Variants in GPC5 observed in about 807,000 individuals in gnomAD.
The protein encoded by GPC5 is glypican-5.
Under a neutral mutation model 53.9 loss-of-function variants are expected in GPC5, and 47 were observed. The ratio of observed to expected loss-of-function variants is 0.87; its 90% confidence interval spans 0.69 to 1.11. The LOEUF is 1.11. Among genes scored for constraint, GPC5 ranks in the 50% most tolerant of loss-of-function variants. GPC5 has a pLI of 0.00. For synonymous variants in GPC5, 286 were observed against 263.3 expected, an observed-to-expected ratio of 1.09 and a Z score of -0.84; for missense variants, 748 against 713.1, an observed-to-expected ratio of 1.05 and a Z score of -0.56.
intron 5 of GPC5, among the ~76,000 whole-genome samples, chr13:91,764,860 A>G (rs1163106805): frequency 1.3e-5 from 2 of 152,166 alleles, no homozygotes; most frequent in East Asian, 3.8e-4. Context: ...GTGACTGGTA[A>G]TTTTATGATC....
intron 7 of GPC5, among the ~76,000 whole-genome samples, chr13:92,261,835 GC>G (rs1258145024): frequency 1.2e-4 from 18 of 152,182 alleles, no homozygotes; most frequent in African/African-American, 4.3e-4. Flanking sequence ...ATTGAAAAGA[GC>G]ATATGATTAA....
intron 5 of GPC5, among the ~76,000 whole-genome samples, chr13:91,798,746 TG>T (rs1419531530): frequency 6.6e-6 from 1 of 152,188 alleles, no homozygotes; most frequent in Non-Finnish European, 1.5e-5. Context: ...CCCAAATTGC[TG>T]GGTCAAATGG....
intron 6 of GPC5, among the ~76,000 whole-genome samples, chr13:91,976,987 C>G (rs1339843592): frequency 6.6e-6 from 1 of 151,664 alleles, no homozygotes; most frequent in African/African-American, 2.4e-5. Flanking sequence ...TTCAGTGAAC[C>G]AAGATCATGC....
At chr13:92,692,000 T>G (rs932550630) in intron 7 of GPC5, among the ~76,000 whole-genome samples, 3 of 152,152 alleles carry the variant, frequency 2.0e-5, no homozygotes, top group African/African-American at 7.2e-5. Context: ...TATGGAACAG[T>G]TAATTTTTCA....
intron 7 of GPC5, among the ~76,000 whole-genome samples, chr13:92,307,287 T>G (rs950432815): frequency 6.6e-6 from 1 of 152,192 alleles, no homozygotes; most frequent in Non-Finnish European, 1.5e-5. Flanking sequence ...AAACCCCATC[T>G]CTACTAAAAT....
intron 7 of GPC5, among the ~76,000 whole-genome samples, chr13:92,502,831 CATCA>C (rs1350787803): frequency 6.6e-6 from 1 of 151,940 alleles, no homozygotes; most frequent in Non-Finnish European, 1.5e-5. Flanking sequence ...TAAGCTGTGA[CATCA>C]ATCAATCAAT....
intron 7 of GPC5, among the ~76,000 whole-genome samples, chr13:92,594,426 A>G (rs1883804450): frequency 6.6e-6 from 1 of 152,164 alleles, no homozygotes; most frequent in African/African-American, 2.4e-5. Flanking sequence ...TCTTTAATGA[A>G]TGGTAAGACA....
intron 7 of GPC5, among the ~76,000 whole-genome samples, chr13:92,662,158 C>T (rs1886368219): frequency 6.6e-6 from 1 of 152,152 alleles, no homozygotes; most frequent in Admixed American, 6.6e-5. Context: ...CGTAATAACT[C>T]AACTCCCAAT....
At chr13:91,525,784 A>T (rs553108680) in intron 2 of GPC5, among the ~76,000 whole-genome samples, 1 of 152,314 alleles carries the variant, frequency 6.6e-6, no homozygotes, top group South Asian at 2.1e-4. Context: ...TCTAACAATA[A>T]TGTCGCACTT....
chr13:91,586,745 G>A lies in GPC5; in HGVS notation c.326-106442G>A, dbSNP rs374469919. Among the ~76,000 whole-genome samples, 48 of 149,518 alleles carry A rather than the reference G, an allele frequency of 3.2e-4. No individual in the cohort carries two copies. In the East Asian group the frequency reaches 7.0e-3, roughly 22 times the overall value. On this transcript the variant is annotated intron_variant, in intron 2 of 7. Coordinates refer to ENST00000377067, the MANE Select transcript of GPC5 (RefSeq NM_004466.6). Reference sequence around the variant, plus strand: ...TATAATTCAAGATGAGATTTGGGTGGGGACACAGAGCCAAACCATATCAAC... The same window carrying A: ...TATAATTCAAGATGAGATTTGGGTGAGGACACAGAGCCAAACCATATCAAC...
chr13:92,351,424 A>G (rs1594124050), intron 7 of GPC5, among the ~76,000 whole-genome samples: 1 of 152,044 alleles, frequency 6.6e-6, no homozygotes, highest in East Asian at 1.9e-4. Context: ...AAAATATTGG[A>G]AGCAATATTT....
intron 6 of GPC5, among the ~76,000 whole-genome samples, chr13:92,093,314 T>C (rs1332804405): frequency 6.6e-6 from 1 of 152,092 alleles, no homozygotes; most frequent in African/African-American, 2.4e-5. Context: ...CAAATCCCAA[T>C]TGAGAAGTAT....
At chr13:91,944,264 T>G (rs896095581) in intron 6 of GPC5, among the ~76,000 whole-genome samples, 3 of 151,892 alleles carry the variant, frequency 2.0e-5, no homozygotes, top group African/African-American at 7.3e-5. Context: ...CCCAGCTAAT[T>G]TTTTTGTATT....
chr13:91,601,931 AG>A (rs1406802737), intron 2 of GPC5, among the ~76,000 whole-genome samples: 7 of 152,276 alleles, frequency 4.6e-5, no homozygotes, highest in Admixed American at 2.0e-4. Flanking sequence ...GTTGCCAAAA[AG>A]GTTGAGGAGT....
intron 7 of GPC5, among the ~76,000 whole-genome samples, chr13:92,443,940 CAT>C (rs541429817): frequency 4.6e-5 from 7 of 152,162 alleles, no homozygotes; most frequent in African/African-American, 7.2e-5. Context: ...AGAAACCACA[CAT>C]GTGTGGATTC....
chr13:92,017,670 G>A (rs975921134), intron 6 of GPC5, among the ~76,000 whole-genome samples: 1 of 152,080 alleles, frequency 6.6e-6, no homozygotes, highest in Non-Finnish European at 1.5e-5. Flanking sequence ...AGTGCACAGT[G>A]CCTTTTAGAA....
At chr13:92,341,506 A>G (rs1042443253) in intron 7 of GPC5, among the ~76,000 whole-genome samples, 15 of 152,190 alleles carry the variant, frequency 9.9e-5, no homozygotes, top group African/African-American at 3.6e-4. Flanking sequence ...AAGTAATGCT[A>G]TAAGAGTTTT....
At chr13:92,318,842 A>T (rs1423216128) in intron 7 of GPC5, among the ~76,000 whole-genome samples, 1 of 152,134 alleles carries the variant, frequency 6.6e-6, no homozygotes, top group African/African-American at 2.4e-5. Flanking sequence ...ATTTGAATAG[A>T]GGGTAGATGT....
rs552077216 is a variant in GPC5 at position 92,508,434 on chromosome 13, G to GA, written c.1562-357841dup. 2.5e-4 allele frequency among the ~76,000 whole-genome samples: 38 copies of GA among 152,002 alleles called. 1 individual carries two copies. The highest frequency in any genetic ancestry group is 8.9e-4 in the African/African-American group (37 of 41,496). ...GGCATATACAGAACTTTTAATACAA[G>GA]AAAAAAATGTATTATGAATTGTGTA... On this transcript the variant is annotated intron_variant, in intron 7 of 7. Coordinates refer to ENST00000377067, the MANE Select transcript of GPC5 (RefSeq NM_004466.6).
Sources: allele counts gnomAD v4.1 joint callset (sites outside exome capture counted in the v4.1 genomes callset), GRCh38; gene constraint gnomAD v4.1.1; transcripts MANE v1.5; gene names NCBI Gene and HGNC (gene_info 2026-07-23, HGNC 2026-07-21).